The following TRPM2 variants were observed in gnomAD, a reference collection of about 807,000 sequenced individuals.
TRPM2 encodes the protein transient receptor potential cation channel subfamily M member 2.
A neutral mutation model predicts 174.0 loss-of-function variants in TRPM2; 161 were observed. The observed-to-expected ratio is 0.93, with a 90% CI of 0.81 to 1.05. The LOEUF is 1.05. Ranked by LOEUF, TRPM2 falls within the 50% of genes least tolerant of loss-of-function variation. The pLI, the probability that TRPM2 is intolerant of heterozygous loss-of-function variation, is 0.00. For missense variants in TRPM2, 2,057 were observed against 2,038.0 expected (o/e 1.01, Z -0.18); for synonymous variants, 954 against 861.3 (o/e 1.11, Z -1.88).
At chr21:44,352,919 C>T (rs191931846), upstream of TRPM2, among the ~76,000 whole-genome samples, 2 of 152,336 alleles carry the variant, frequency 1.3e-5, no homozygotes, top group Admixed American at 6.5e-5. Flanking sequence ...CTTTGGGAAG[C>T]GGAGGCTGGT....
At chr21:44,351,183 C>G (rs2122996705), upstream of TRPM2, among the ~76,000 whole-genome samples, 27 of 152,208 alleles carry the variant, frequency 1.8e-4, no homozygotes, top group Non-Finnish European at 4.0e-4. Context: ...ACACCAGGAT[C>G]CTCTCGAGTC....
intron 19 of TRPM2, among the ~76,000 whole-genome samples, chr21:44,408,093 C>T (rs907570701): frequency 6.6e-6 from 1 of 151,594 alleles, no homozygotes; most frequent in Non-Finnish European, 1.5e-5. Context: ...TTACAGGCAC[C>T]TGCTACCACG....
rs2146438699 is a variant in TRPM2 at position 44,442,168 on chromosome 21, A to G, written c.*351A>G. 4.7e-6 allele frequency: 1 copy of G among 211,626 alleles called. No individual in the cohort carries two copies. Among genetic ancestry groups the G allele is most frequent in the Non-Finnish European group, 9.3e-6 (1 of 107,350 alleles). The allele number at this position is 211,626 out of a possible 1,614,324, so 13.1% of individuals were successfully genotyped here. On this transcript the variant is annotated 3_prime_UTR_variant, in exon 32 of 32. Coordinates refer to ENST00000397928, the MANE Select transcript of TRPM2 (RefSeq NM_003307.4). ...TGTCACCCCGAGCAGCTCATCCACC[A>G]TGGAGGTCATTGGCCTGAGGCAAGT...
At chr21:44,406,485 G>C in intron 18 of TRPM2, 109 bp from the exon 19 acceptor site, 2 of 1,341,586 alleles carry the variant, frequency 1.5e-6, no homozygotes, top group Non-Finnish European at 2.0e-6. Context: ...TGCATGCCGT[G>C]TCTGTGCTGT....
intron 16 of TRPM2, among the ~76,000 whole-genome samples, chr21:44,403,741 A>G (rs2049726265): frequency 6.6e-6 from 1 of 151,862 alleles, no homozygotes; most frequent in Admixed American, 6.6e-5. Flanking sequence ...ATACATGCAT[A>G]TAGAGATGCA....
Position 44,418,420 on chromosome 21 carries a change from CAG to C in TRPM2, c.3330_3331del. 6.2e-7 allele frequency: 1 copy of C among 1,613,854 alleles called. No homozygotes were observed. Among genetic ancestry groups the C allele is most frequent in the Non-Finnish European group, 8.5e-7 (1 of 1,179,856 alleles). On this transcript the variant is annotated splice_acceptor_variant, in intron 21 of 31. Transcript: ENST00000397928. LOFTEE classifies it high-confidence loss of function. ...CCCCTGGTCTGTCCGCCCACCCTGA[CAG>C]AGAACAAGCTGGAGAAGAACGAGGA...
intron 8 of TRPM2, among the ~76,000 whole-genome samples, chr21:44,380,583 G>A (rs1051983300): frequency 2.6e-5 from 4 of 152,066 alleles, no homozygotes; most frequent in East Asian, 3.9e-4. Context: ...GCAGGGGCTC[G>A]GCATTCGCTG....
intron 9 of TRPM2, among the ~76,000 whole-genome samples, chr21:44,386,034 C>G (rs146398032): frequency 6.6e-6 from 1 of 152,260 alleles, no homozygotes; most frequent in Admixed American, 6.5e-5. Context: ...CTACAACATA[C>G]CCCTGAACTA....
At chr21:44,382,346 G>A (rs1018670638) in intron 8 of TRPM2, among the ~76,000 whole-genome samples, 3 of 151,914 alleles carry the variant, frequency 2.0e-5, no homozygotes, top group African/African-American at 4.9e-5. Context: ...TAGACTGATC[G>A]ATCGACAGAC....
chr21:44,392,821 T>G (rs1454677888), intron 11 of TRPM2, among the ~76,000 whole-genome samples: 1 of 152,102 alleles, frequency 6.6e-6, no homozygotes, highest in East Asian at 1.9e-4. Flanking sequence ...CTGCCCACTG[T>G]GTATGCTGGT....
At chr21:44,396,073 A>G (rs1287854302) in intron 12 of TRPM2, among the ~76,000 whole-genome samples, 5 of 7,438 alleles carry the variant, frequency 6.7e-4, no homozygotes, top group East Asian at 2.9e-3. Flanking sequence ...CTGTGGAGGG[A>G]TGTGGAGGCT....
At chr21:44,383,966 G>A (rs2048952634) in intron 9 of TRPM2, among the ~76,000 whole-genome samples, 2 of 152,172 alleles carry the variant, frequency 1.3e-5, no homozygotes, top group South Asian at 4.1e-4. Flanking sequence ...AAGAACAAAT[G>A]AAATCCAAAA....
At chr21:44,435,929 GGGA>G in intron 28 of TRPM2, among the ~76,000 whole-genome samples, 1 of 146,534 alleles carries the variant, frequency 6.8e-6, no homozygotes, top group African/African-American at 2.6e-5. Context: ...CCCATCCACA[GGGA>G]CACAGCCCCA....
At position 44,395,476 on chromosome 21, in the gene TRPM2, G is replaced by A. The variant is rs770469060; in HGVS notation, c.1857G>A (p.Met619Ile). 1 of 1,613,036 alleles carries A rather than the reference G, an allele frequency of 6.2e-7. No individual in the cohort carries two copies. The highest frequency in any genetic ancestry group is 1.1e-5 in the South Asian group (1 of 91,086). The part of the protein sequence containing the change: ...KRSSGHVTFT[M>I]DPIRDLLIWA... ...CCTCAGGCCATGTGACCTTCACCAT[G>A]GACCCCATCCGTGACCTTCTCATTT... Residue 619 changes from methionine to isoleucine, a missense_variant, in exon 12 of 32, where the codon ATG becomes ATA. By Grantham distance (10) the Met-to-Ile change is conservative. Transcript: ENST00000397928.
At chr21:44,362,117 C>T (rs1173003184) in intron 2 of TRPM2, among the ~76,000 whole-genome samples, 1 of 152,086 alleles carries the variant, frequency 6.6e-6, no homozygotes, top group Non-Finnish European at 1.5e-5. Context: ...GACATTTTAC[C>T]AGTTTGAGTG....
chr21:44,377,588 G>A lies in TRPM2; in HGVS notation c.953-124G>A, dbSNP rs1294580955. ...CAGGGGGCAGGGGAGAGTGCCCTCA[G>A]TGCAGGGTCTTGCCCCCCACCTCTG... is the stretch of plus-strand genomic sequence containing the variant. On this transcript the variant is annotated intron_variant, in intron 6 of 31. Transcript: ENST00000397928. The A allele has an allele frequency of 1.7e-5, 22 of 1,311,966 alleles. 1 individual carries two copies. In the Admixed American group the frequency reaches 2.9e-4, roughly 17 times the overall value. 81.3% of individuals were successfully genotyped at this position (1,311,966 alleles called of 1,614,324 possible). A position where few individuals can be genotyped will look rare whatever the true frequency, so the allele number is the denominator to read the frequency against.
In TRPM2 at chr21:44,439,242, G is replaced by T. The variant is rs1267155343; in HGVS notation, c.4269+74G>T. 5.0e-6 allele frequency: 7 copies of T among 1,404,908 alleles called. No homozygotes were observed. 87.0% of individuals were successfully genotyped at this position (1,404,908 alleles called of 1,614,324 possible). On this transcript the variant is annotated intron_variant, in intron 30 of 31. Coordinates refer to ENST00000397928, the MANE Select transcript of TRPM2 (RefSeq NM_003307.4). The surrounding 1 kb of genome is among the most constrained non-coding windows in gnomAD (Gnocchi z 5.1). ...CAGGACAAACACAGTGTGATACTGGGGACCTGCCCCAGCACCACTGGGTGG... is the reference window on the plus strand; with the variant it reads ...CAGGACAAACACAGTGTGATACTGGTGACCTGCCCCAGCACCACTGGGTGG...
chr21:44,417,035 T>A (rs1394304900), intron 20 of TRPM2, among the ~76,000 whole-genome samples: 1 of 96,918 alleles, frequency 1.0e-5, no homozygotes. Context: ...AGTGGGCACG[T>A]GGGCATGGCT....
At chr21:44,352,956 A>AC (rs1311750855), upstream of TRPM2, among the ~76,000 whole-genome samples, 2 of 152,150 alleles carry the variant, frequency 1.3e-5, no homozygotes, top group African/African-American at 2.4e-5. Context: ...GGAGTTTGAG[A>AC]CCAACCTGAC....
Sources: gnomAD v4.1 joint callset for allele counts (sites outside exome capture counted in the v4.1 genomes callset) on GRCh38, gnomAD v4.1.1 for gene constraint, Gnocchi (gnomAD v3.1) non-coding constraint, MANE v1.5 for transcripts, NCBI Gene and HGNC (gene_info 2026-07-23, HGNC 2026-07-21) for gene names.